The following EDIL3 variants were observed in gnomAD, a reference collection of about 807,000 sequenced individuals.
EDIL3 encodes the protein EGF like and discoidin domains 3.
A neutral mutation model predicts 67.4 loss-of-function variants in EDIL3; 37 were observed. The observed-to-expected ratio is 0.55, with a 90% CI of 0.42 to 0.72. The LOEUF (loss-of-function observed/expected upper bound fraction) is 0.72, where lower values mean the gene tolerates loss of function less well. EDIL3 is among the 30% of genes least tolerant of loss of function. The pLI is 0.00. For synonymous variants in EDIL3, 195 were observed against 196.3 expected (o/e 0.99, Z 0.05); for missense variants, 527 against 586.3 (o/e 0.90, Z 1.04).
At chr5:84,077,281 T>C (rs573758090) in intron 6 of EDIL3, among the ~76,000 whole-genome samples, 1 of 152,292 alleles carries the variant, frequency 6.6e-6, no homozygotes, top group African/African-American at 2.4e-5. Flanking sequence ...TGTTGATTTG[T>C]GAATCTCCTG....
At chr5:84,323,343 C>T (rs899610444) in intron 1 of EDIL3, among the ~76,000 whole-genome samples, 5 of 151,818 alleles carry the variant, frequency 3.3e-5, no homozygotes, top group Non-Finnish European at 7.4e-5. Context: ...GCTAGTATAA[C>T]AAATTAGAGT....
chr5:83,966,286 G>A (rs754403974), intron 9 of EDIL3, among the ~76,000 whole-genome samples: 10 of 152,114 alleles, frequency 6.6e-5, no homozygotes, highest in Admixed American at 2.0e-4. Context: ...CCTTAAATGT[G>A]TCTTATATAT....
At chr5:84,213,193 T>A (rs1580380089) in intron 3 of EDIL3, among the ~76,000 whole-genome samples, 1 of 15,064 alleles carries the variant, frequency 6.6e-5, no homozygotes, top group South Asian at 1.3e-3. Context: ...TTTCAGTGGT[T>A]TTTTTTTTTT....
chr5:84,372,008 A>T (rs1014909415), intron 1 of EDIL3, among the ~76,000 whole-genome samples: 1 of 152,172 alleles, frequency 6.6e-6, no homozygotes. Context: ...AACTTTAGAG[A>T]CTATCTTAGT....
At chr5:84,343,507 C>T (rs150587862) in intron 1 of EDIL3, among the ~76,000 whole-genome samples, 1 of 151,958 alleles carries the variant, frequency 6.6e-6, no homozygotes, top group Non-Finnish European at 1.5e-5. Context: ...GTAAGACAGG[C>T]CAGCTCATCC....
intron 9 of EDIL3, among the ~76,000 whole-genome samples, chr5:84,052,881 C>T (rs1350270036): frequency 2.0e-5 from 3 of 152,144 alleles, no homozygotes; most frequent in Non-Finnish European, 1.5e-5. Context: ...ACCCCACTGT[C>T]AACATTAGAC....
chr5:84,334,464 A>G (rs912186176), intron 1 of EDIL3, among the ~76,000 whole-genome samples: 2 of 152,200 alleles, frequency 1.3e-5, no homozygotes, highest in African/African-American at 4.8e-5. Context: ...TTTAAACTCA[A>G]TCAAATCATC....
At chr5:84,291,919 T>G (rs1035951359) in intron 1 of EDIL3, among the ~76,000 whole-genome samples, 3 of 151,348 alleles carry the variant, frequency 2.0e-5, no homozygotes, top group Non-Finnish European at 2.9e-5. Flanking sequence ...AGCATCAAAT[T>G]ATATTTTTGT....
At chr5:84,121,542 T>TCG (rs1561437564) in intron 5 of EDIL3, among the ~76,000 whole-genome samples, 812 of 30,792 alleles carry the variant, frequency 0.026, 6 homozygotes, top group African/African-American at 0.062. Context: ...TAGATCGATC[T>TCG]ATCTATCTAT....
intron 6 of EDIL3, among the ~76,000 whole-genome samples, chr5:84,092,945 G>A (rs1255527256): frequency 6.6e-6 from 1 of 152,158 alleles, no homozygotes; most frequent in Non-Finnish European, 1.5e-5. Flanking sequence ...GGTTTGCAGT[G>A]ATTATGGAGT....
rs554967691 is a variant in EDIL3, at chr5:84,162,034, T to C, written c.355+18359A>G. The stretch of plus-strand genomic sequence containing the variant: ...CCTGATCACTGTCTTTCCCAAGCAG[T>C]AATCAGATATTCCATGGCATGTCAC... On this transcript the variant is annotated intron_variant, in intron 4 of 10. Transcript: ENST00000296591. Among the ~76,000 whole-genome samples, 21 of 152,220 alleles carry C rather than the reference T, an allele frequency of 1.4e-4. No homozygotes were observed. The South Asian group carries it at 1.5e-3, about 11-fold the overall frequency.
At chr5:84,101,143 C>T (rs1455083122) in intron 6 of EDIL3, among the ~76,000 whole-genome samples, 3 of 151,870 alleles carry the variant, frequency 2.0e-5, no homozygotes, top group South Asian at 2.1e-4. Flanking sequence ...GTTACTAGTC[C>T]GACCTGTGTT....
In EDIL3 at chr5:83,957,458, T is replaced by C. The variant is rs144579675; in HGVS notation, c.1293+5747A>G. Among the ~76,000 whole-genome samples the C allele has an allele frequency of 2.8e-3, 431 of 151,804 alleles. 1 individual carries two copies. Among genetic ancestry groups the C allele is most frequent in the African/African-American group, 1.0e-2 (413 of 41,468 alleles). ...GTTGGACTTTCAAGGTATTAAACAT[T>C]CAAATTTAATTTCAGCTCTCCAAAA... On this transcript the variant is annotated intron_variant, in intron 10 of 10. Coordinates refer to ENST00000296591, the MANE Select transcript of EDIL3 (RefSeq NM_005711.5).
In EDIL3 at chr5:84,131,072, A is replaced by G. The variant is rs534144982; in HGVS notation, c.469+6169T>C. 3.9e-5 allele frequency among the ~76,000 whole-genome samples: 6 copies of G among 152,278 alleles called. 1 individual carries two copies. In the South Asian group the frequency reaches 8.3e-4, roughly 21 times the overall value. Reference sequence around the variant, plus strand: ...ATAATAAAACTTAAAATCACACATTATGACAAAAGAAAAGGTGAGATATAC... The same window carrying G: ...ATAATAAAACTTAAAATCACACATTGTGACAAAAGAAAAGGTGAGATATAC... On this transcript the variant is annotated intron_variant, in intron 5 of 10. Transcript: ENST00000296591.
intron 5 of EDIL3, among the ~76,000 whole-genome samples, chr5:84,126,925 T>C (rs917946092): frequency 6.6e-6 from 1 of 152,052 alleles, no homozygotes; most frequent in Admixed American, 6.6e-5. Flanking sequence ...GAAAAGGAAA[T>C]AGCATTATTA....
intron 9 of EDIL3, among the ~76,000 whole-genome samples, chr5:84,052,051 G>C (rs942282546): frequency 6.6e-6 from 1 of 152,204 alleles, no homozygotes; most frequent in African/African-American, 2.4e-5. Context: ...GTTAAGGGCA[G>C]CCAGAGAGAA....
intron 1 of EDIL3, among the ~76,000 whole-genome samples, chr5:84,305,706 C>T (rs1307947433): frequency 6.6e-6 from 1 of 152,024 alleles, no homozygotes; most frequent in African/African-American, 2.4e-5. Context: ...GGTGAAACCC[C>T]GTCTCTATTA....
At chr5:84,201,912 C>T (rs1051610071) in intron 3 of EDIL3, among the ~76,000 whole-genome samples, 1 of 151,982 alleles carries the variant, frequency 6.6e-6, no homozygotes, top group African/African-American at 2.4e-5. Flanking sequence ...TAGACAATGA[C>T]AGGCATTAGA....
intron 1 of EDIL3, among the ~76,000 whole-genome samples, chr5:84,303,818 G>C (rs879506851): frequency 0.032 from 3,702 of 115,364 alleles, 77 homozygotes; most frequent in African/African-American, 0.062. Context: ...CTGTGTGTGT[G>C]TGTGTGTGTG....
Sources: gnomAD v4.1 joint callset for allele counts (sites outside exome capture counted in the v4.1 genomes callset) on GRCh38, gnomAD v4.1.1 for gene constraint, MANE v1.5 for transcripts, NCBI Gene and HGNC (gene_info 2026-07-23, HGNC 2026-07-21) for gene names.